Variants in GPD2 observed in about 807,000 individuals in gnomAD.
The protein encoded by GPD2 is glycerol-3-phosphate dehydrogenase, mitochondrial.
A neutral mutation model predicts 82.4 loss-of-function variants in GPD2; 54 were observed. That is an observed-to-expected ratio of 0.66 (90% CI 0.53 to 0.82). GPD2 has a LOEUF of 0.82. GPD2 is among the 40% of genes least tolerant of loss of function. GPD2 has a pLI of 0.00. For synonymous variants in GPD2, 288 were observed against 306.1 expected, an observed-to-expected ratio of 0.94 and a Z score of 0.62; for missense variants, 748 against 896.2, an observed-to-expected ratio of 0.83 and a Z score of 2.11.
At chr2:156,476,286 A>G in intron 2 of GPD2, 79 bp downstream of exon 2, 1 of 817,394 alleles carries the variant, frequency 1.2e-6, no homozygotes. Flanking sequence ...TGTGTGCACT[A>G]ACGGTTTTGT....
At chr2:156,541,627 CAAG>C (rs1467183014) in intron 6 of GPD2, among the ~76,000 whole-genome samples, 2 of 152,098 alleles carry the variant, frequency 1.3e-5, no homozygotes, top group African/African-American at 4.8e-5. Flanking sequence ...CCAGGCATTT[CAAG>C]AAGGTTTATC....
At chr2:156,411,442 A>G in the GPD2 span, among the ~76,000 whole-genome samples, 1 of 151,944 alleles carries the variant, frequency 6.6e-6, no homozygotes, top group Non-Finnish European at 1.5e-5. Context: ...CAGCCTCCCA[A>G]GTAGCTGGGA....
chr2:156,524,972 T>C (rs2105294531), intron 6 of GPD2, among the ~76,000 whole-genome samples: 1 of 152,326 alleles, frequency 6.6e-6, no homozygotes, highest in African/African-American at 2.4e-5. Context: ...CTTTTATAAT[T>C]CTATTTTTCC....
intron 1 of GPD2, among the ~76,000 whole-genome samples, chr2:156,440,256 T>C (rs952817831): frequency 2.0e-5 from 3 of 152,188 alleles, no homozygotes; most frequent in African/African-American, 7.2e-5. Flanking sequence ...ATGATCAAAC[T>C]CAACTCCAAG....
chr2:156,570,205 A>C lies in GPD2; in HGVS notation c.1595A>C (p.Tyr532Ser), dbSNP rs1188328183. Reference protein sequence around the residue: ...VGVRLVSEFPYIEAEVKYGIK... With the variant: ...VGVRLVSEFPSIEAEVKYGIK... ...GTACGTCTTGTGTCAGAATTTCCAT[A>C]TATTGAAGCAGAGGTATGTGAATGG... The change falls in exon 12 of 17, where the codon TAT (tyrosine) becomes TCT (serine). Residue 532 changes from tyrosine (Y) to serine (S), a missense_variant. By Grantham distance (144) the Tyr-to-Ser change is moderately radical. Transcript: ENST00000438166. 6.2e-7 allele frequency: 1 copy of C among 1,612,798 alleles called. No individual in the cohort carries two copies. Among genetic ancestry groups the C allele is most frequent in the Non-Finnish European group, 8.5e-7 (1 of 1,179,012 alleles).
At chr2:156,554,192 G>A (rs1005845691) in intron 8 of GPD2, among the ~76,000 whole-genome samples, 1 of 152,264 alleles carries the variant, frequency 6.6e-6, no homozygotes, top group Non-Finnish European at 1.5e-5. Context: ...TCTCTTGGGT[G>A]ATATTAGGAG....
chr2:156,435,102 A>G (rs560592310), upstream of GPD2, among the ~76,000 whole-genome samples: 132 of 152,248 alleles, frequency 8.7e-4, no homozygotes, highest in African/African-American at 3.1e-3. Context: ...TTGGGATTTA[A>G]TAAATATATG....
At chr2:156,484,260 C>T (rs1440442130) in intron 2 of GPD2, among the ~76,000 whole-genome samples, 2 of 151,998 alleles carry the variant, frequency 1.3e-5, no homozygotes, top group East Asian at 3.9e-4. Context: ...CTCAGCCCCC[C>T]AACTAGCTGG....
intron 1 of GPD2, among the ~76,000 whole-genome samples, chr2:156,459,964 T>C (rs540211044): frequency 3.3e-5 from 5 of 152,238 alleles, no homozygotes; most frequent in South Asian, 2.1e-4. Context: ...CTGAAGGTCA[T>C]TGGACTGATA....
At chr2:156,484,703 G>C (rs1320732756) in intron 2 of GPD2, among the ~76,000 whole-genome samples, 3 of 152,042 alleles carry the variant, frequency 2.0e-5, no homozygotes, top group African/African-American at 7.2e-5. Flanking sequence ...AGCCGGGCAT[G>C]GTGGTGGATG....
At chr2:156,408,164 A>C in the GPD2 span, among the ~76,000 whole-genome samples, 6 of 151,936 alleles carry the variant, frequency 3.9e-5, no homozygotes, top group African/African-American at 1.5e-4. Context: ...TATGTTGCCC[A>C]GGCGGGTCTT....
In GPD2 at chr2:156,513,406, A is replaced by C; in HGVS notation, c.571A>C (p.Ser191Arg). The change falls in exon 6 of 17, where the codon AGC becomes CGC. Residue 191 changes from serine to arginine, a missense_variant. By Grantham distance (110) the Ser-to-Arg change is moderately radical. Coordinates refer to ENST00000438166, the MANE Select transcript of GPD2 (RefSeq NM_000408.5). ...DLVAGSNCLKSSYVLSKSRAL... is the reference protein window; with the variant it reads ...DLVAGSNCLKRSYVLSKSRAL... ...GGTTGCAGGAAGCAATTGCCTAAAA[A>C]GCAGTTATGTCCTCAGCAAATCAAG... 1.2e-6 allele frequency: 2 copies of C among 1,612,520 alleles called. No individual in the cohort carries two copies. Among genetic ancestry groups the C allele is most frequent in the Non-Finnish European group, 1.7e-6 (2 of 1,178,800 alleles).
the GPD2 span, among the ~76,000 whole-genome samples, chr2:156,401,150 A>T: frequency 6.6e-6 from 1 of 152,182 alleles, no homozygotes. Flanking sequence ...CAAAACTTGC[A>T]TTGGCCGGGA....
At chr2:156,488,823 C>T (rs1684043266) in intron 2 of GPD2, among the ~76,000 whole-genome samples, 1 of 151,874 alleles carries the variant, frequency 6.6e-6, no homozygotes, top group Non-Finnish European at 1.5e-5. Flanking sequence ...TTTTATCTTT[C>T]TAAAATATAG....
rs1234860165 is a variant in GPD2, at chr2:156,476,759, T to G, written c.102+552T>G. On this transcript the variant is annotated intron_variant, in intron 2 of 16. Transcript: ENST00000438166. Reference sequence around the variant, plus strand: ...GAAGTGTTCAGTTTGTTTTCTTTTTTTTTCTCTTTACCTTACAACTGTGAC... The same window carrying G: ...GAAGTGTTCAGTTTGTTTTCTTTTTGTTTCTCTTTACCTTACAACTGTGAC... 2.0e-5 allele frequency among the ~76,000 whole-genome samples: 3 copies of G among 152,230 alleles called. No individual in the cohort carries two copies. In the East Asian group the frequency reaches 5.8e-4, roughly 29 times the overall value.
chr2:156,462,573 A>AT (rs1683027385), intron 1 of GPD2, among the ~76,000 whole-genome samples: 1 of 150,276 alleles, frequency 6.7e-6, no homozygotes, highest in African/African-American at 2.5e-5. Flanking sequence ...AAGTGCTGGG[A>AT]TTACAGGCAT....
chr2:156,554,851 A>G (rs1229300303), intron 8 of GPD2, among the ~76,000 whole-genome samples: 1 of 152,224 alleles, frequency 6.6e-6, no homozygotes, highest in Non-Finnish European at 1.5e-5. Context: ...GTAGTTAACA[A>G]TAAATTGATT....
chr2:156,420,491 A>G, the GPD2 span, among the ~76,000 whole-genome samples: 1 of 152,064 alleles, frequency 6.6e-6, no homozygotes, highest in South Asian at 2.1e-4. Flanking sequence ...ATTTCTACCT[A>G]TTTTGCATCT....
intron 9 of GPD2, among the ~76,000 whole-genome samples, chr2:156,567,853 A>T (rs546521844): frequency 6.6e-6 from 1 of 152,286 alleles, no homozygotes; most frequent in South Asian, 2.1e-4. Flanking sequence ...TCTAATTCTA[A>T]TGAAAACTTA....
Sources: gnomAD v4.1 joint callset for allele counts (sites outside exome capture counted in the v4.1 genomes callset) on GRCh38, gnomAD v4.1.1 for gene constraint, MANE v1.5 for transcripts, NCBI Gene and HGNC (gene_info 2026-07-23, HGNC 2026-07-21) for gene names.